Variants in WDHD1 observed in about 807,000 individuals in gnomAD.
WDHD1 encodes WD repeat and HMG-box DNA binding protein 1, also known as WD repeat and HMG-box DNA-binding protein 1.
Under a neutral mutation model 135.4 loss-of-function variants are expected in WDHD1, and 111 were observed. The observed-to-expected ratio is 0.82, with a 90% CI of 0.70 to 0.96. The LOEUF is 0.96. Among genes scored for constraint, WDHD1 ranks in the 40% least tolerant of loss-of-function variants. The probability of loss-of-function intolerance (pLI) is 0.00; values close to 1 mark genes in which losing one functional copy is unlikely to be tolerated. For missense variants in WDHD1, 1,351 were observed against 1,336.3 expected, an observed-to-expected ratio of 1.01 and a Z score of -0.17; for synonymous variants, 434 against 439.0, an observed-to-expected ratio of 0.99 and a Z score of 0.14.
At chr14:55,023,200 A>C (rs1216332017) in intron 2 of WDHD1, among the ~76,000 whole-genome samples, 1 of 152,100 alleles carries the variant, frequency 6.6e-6, no homozygotes, top group African/African-American at 2.4e-5. Context: ...TAGATCCTTC[A>C]CCTACCTTTC....
Position 54,989,138 on chromosome 14 carries a change from A to T in WDHD1, c.1416T>A (p.Asp472Glu). The change falls in exon 13 of 26, where the codon GAT becomes GAA. Residue 472 changes from aspartate (D) to glutamate (E), a missense_variant. Physicochemically the swap from Asp to Glu is conservative, Grantham distance 45. Around this residue, in one of 2 missense-constraint regions of WDHD1, gnomAD observed 1,330 missense variants for 1,296.1 expected, o/e 1.03. Coordinates refer to ENST00000360586, the MANE Select transcript of WDHD1 (RefSeq NM_007086.4). The stretch of plus-strand genomic sequence containing the variant: ...AGTGTGTTGCATGGTGTATGGAGGT[A>T]TCATGGAACTCCACATCTATGGCAT... ...QDNAIDVEFH[D>E]TSIHHATHLS... The T allele has an allele frequency of 1.9e-6, 3 of 1,613,576 alleles. No individual in the cohort carries two copies. Among genetic ancestry groups the T allele is most frequent in the Non-Finnish European group, 2.5e-6 (3 of 1,179,598 alleles).
intron 11 of WDHD1, among the ~76,000 whole-genome samples, chr14:54,993,149 G>A (rs773075177): frequency 1.3e-5 from 2 of 151,924 alleles, no homozygotes; most frequent in Middle Eastern, 3.2e-3. Flanking sequence ...ACAGGGTCTC[G>A]TTCTGTTACC....
chr14:54,961,807 G>C (rs991273622), intron 21 of WDHD1, among the ~76,000 whole-genome samples: 1 of 151,494 alleles, frequency 6.6e-6, no homozygotes, highest in African/African-American at 2.4e-5. Flanking sequence ...TTATCCCCCA[G>C]GCCCACTCCC....
intron 10 of WDHD1, among the ~76,000 whole-genome samples, chr14:54,998,564 T>C (rs1025498037): frequency 1.1e-4 from 16 of 152,184 alleles, no homozygotes; most frequent in African/African-American, 3.4e-4. Context: ...ACAGAATAAA[T>C]CCTTCCAGCT....
At chr14:54,978,987 T>C (rs184535123) in intron 16 of WDHD1, among the ~76,000 whole-genome samples, 26 of 152,336 alleles carry the variant, frequency 1.7e-4, no homozygotes, top group Non-Finnish European at 4.4e-5. Flanking sequence ...TTTTTCTTTT[T>C]TCATTCCTTT....
chr14:54,971,324 C>T (rs2041428111), intron 16 of WDHD1, among the ~76,000 whole-genome samples: 1 of 152,142 alleles, frequency 6.6e-6, no homozygotes, highest in African/African-American at 2.4e-5. Flanking sequence ...CATCTGTAAT[C>T]CCAGCACTTT....
At chr14:54,979,452 G>C (rs559526086) in intron 16 of WDHD1, among the ~76,000 whole-genome samples, 3 of 152,144 alleles carry the variant, frequency 2.0e-5, no homozygotes, top group Non-Finnish European at 4.4e-5. Context: ...CACCTCGCCT[G>C]GCCCAATAGT....
chr14:55,021,692 G>A (rs2042351093), intron 2 of WDHD1, among the ~76,000 whole-genome samples: 1 of 152,094 alleles, frequency 6.6e-6, no homozygotes, highest in South Asian at 2.1e-4. Context: ...AGCCATGTCT[G>A]CTACCTCTTG....
chr14:54,992,975 T>G (rs924640181), intron 11 of WDHD1, among the ~76,000 whole-genome samples: 2 of 151,998 alleles, frequency 1.3e-5, no homozygotes, highest in African/African-American at 4.8e-5. Context: ...AACAAATAAT[T>G]TATATTAGAT....
chr14:54,960,194 G>A (rs2041228095), intron 21 of WDHD1, among the ~76,000 whole-genome samples: 1 of 152,136 alleles, frequency 6.6e-6, no homozygotes, highest in African/African-American at 2.4e-5. Context: ...TTGAGATGGA[G>A]TCTCGCTCTG....
rs1303682782 is a variant in WDHD1 at position 55,026,767 on chromosome 14, T to C, written c.21A>G (p.Pro7=). 2 of 1,614,228 alleles carry C rather than the reference T, an allele frequency of 1.2e-6. No individual in the cohort carries two copies. The highest frequency in any genetic ancestry group is 4.5e-5 in the East Asian group (2 of 44,886). ...GTCCCTCTGTATGCCCATATCTCATTGGCTTCCGTGTGGCAGGCATGTTTT... is the reference window on the plus strand; with the variant it reads ...GTCCCTCTGTATGCCCATATCTCATCGGCTTCCGTGTGGCAGGCATGTTTT... MPATRK[P]MRYGHTEGHT... is the part of the protein sequence containing the mutation. The change falls in exon 2 of 26, where the codon CCA becomes CCG. Residue 7 remains proline, a synonymous_variant. Transcript: ENST00000360586.
At chr14:54,998,372 C>T (rs1430111799) in intron 10 of WDHD1, among the ~76,000 whole-genome samples, 1 of 152,034 alleles carries the variant, frequency 6.6e-6, no homozygotes, top group Non-Finnish European at 1.5e-5. Flanking sequence ...TCAGGTGATC[C>T]ACCGGCCTCG....
At chr14:54,994,535 C>G (rs1320112157) in intron 11 of WDHD1, among the ~76,000 whole-genome samples, 4 of 152,072 alleles carry the variant, frequency 2.6e-5, no homozygotes, top group Non-Finnish European at 4.4e-5. Flanking sequence ...AAGATTTTTA[C>G]ATTCTTTTTT....
At position 55,000,917 on chromosome 14, in the gene WDHD1, A is replaced by G; in HGVS notation, c.769T>C (p.Trp257Arg). Reference protein sequence around the residue: ...AGSINGLIIVWNVETKDCMER... With the variant: ...AGSINGLIIVRNVETKDCMER... Reference sequence around the variant, plus strand: ...ATGCAGTCTTTGGTTTCCACATTCCAAACTATGATTAGACCATTAATACTA... The same window carrying G: ...ATGCAGTCTTTGGTTTCCACATTCCGAACTATGATTAGACCATTAATACTA... The change falls in exon 9 of 26, where the codon TGG becomes CGG. Residue 257 changes from tryptophan (W) to arginine (R), a missense_variant. Around this residue, in one of 2 missense-constraint regions of WDHD1, gnomAD observed 1,330 missense variants for 1,296.1 expected, o/e 1.03. Transcript: ENST00000360586. The G allele has an allele frequency of 6.3e-7, 1 of 1,588,048 alleles. No homozygotes were observed. The highest frequency in any genetic ancestry group is 8.6e-7 in the Non-Finnish European group (1 of 1,168,592).
intron 2 of WDHD1, among the ~76,000 whole-genome samples, chr14:55,016,137 G>A (rs1278466772): frequency 6.6e-6 from 1 of 152,152 alleles, no homozygotes; most frequent in African/African-American, 2.4e-5. Context: ...ATAGAGTTAA[G>A]CAATCTTCTA....
At chr14:54,983,464 G>C (rs1325880135) in intron 15 of WDHD1, among the ~76,000 whole-genome samples, 1 of 152,014 alleles carries the variant, frequency 6.6e-6, no homozygotes, top group Non-Finnish European at 1.5e-5. Context: ...CATGAGGTCA[G>C]GAGTTCAAGA....
chr14:55,002,677 C>T (rs1030963114), intron 7 of WDHD1, among the ~76,000 whole-genome samples: 4 of 152,086 alleles, frequency 2.6e-5, no homozygotes. Context: ...GTGATCACAG[C>T]TTACTGAGCC....
intron 21 of WDHD1, among the ~76,000 whole-genome samples, chr14:54,959,309 G>C (rs1233297779): frequency 7.9e-6 from 1 of 126,240 alleles, no homozygotes; most frequent in African/African-American, 2.7e-5. Flanking sequence ...GAGGTGGAAA[G>C]ATCGCTTGGG....
chr14:54,960,958 C>T (rs1325476205), intron 21 of WDHD1, among the ~76,000 whole-genome samples: 4 of 152,136 alleles, frequency 2.6e-5, no homozygotes, highest in Non-Finnish European at 5.9e-5. Flanking sequence ...TACTACCATG[C>T]CTGGCTAATA....
Sources: allele counts gnomAD v4.1 joint callset (sites outside exome capture counted in the v4.1 genomes callset), GRCh38; gene constraint gnomAD v4.1.1; regional missense constraint gnomAD v4.1.1; transcripts MANE v1.5; gene names NCBI Gene and HGNC (gene_info 2026-07-23, HGNC 2026-07-21).